The following PRKDC variants were observed in gnomAD, a reference collection of about 807,000 sequenced individuals.
PRKDC encodes the protein DNA-dependent protein kinase catalytic subunit.
PRKDC carries 82 observed loss-of-function variants against 486.9 expected under a neutral mutation model. The observed-to-expected ratio is 0.17, with a 90% CI of 0.14 to 0.20. The LOEUF (loss-of-function observed/expected upper bound fraction) is 0.20, where lower values mean the gene tolerates loss of function less well. Among genes scored for constraint, PRKDC ranks in the 10% least tolerant of loss-of-function variants. PRKDC has a pLI of 1.00. For synonymous variants in PRKDC, 1,895 were observed against 1,837.0 expected (o/e 1.03, Z -0.81); for missense variants, 4,504 against 5,038.2 (o/e 0.89, Z 3.21).
chr8:47,956,913 C>T (rs2090712167), intron 3 of PRKDC, among the ~76,000 whole-genome samples: 2 of 133,516 alleles, frequency 1.5e-5, no homozygotes, highest in Admixed American at 8.9e-5. Flanking sequence ...AGTAGTTTCT[C>T]TCACAAAGGC....
chr8:47,777,100 C>G (rs2086622059), intron 84 of PRKDC, 117 bp from the exon 85 acceptor site: 1 of 1,319,582 alleles, frequency 7.6e-7, no homozygotes, highest in Non-Finnish European at 1.0e-6. Flanking sequence ...CCAGGAGCAG[C>G]CTTGCTTTCT....
In PRKDC at chr8:47,955,903, T is replaced by C; in HGVS notation, c.370A>G (p.Lys124Glu). The C allele has an allele frequency of 6.2e-7, 1 of 1,606,332 alleles. No individual in the cohort carries two copies. Among genetic ancestry groups the C allele is most frequent in the Non-Finnish European group, 8.5e-7 (1 of 1,174,534 alleles). ...VYTKDRAAKC[K>E]IPALDLLIKL... Reference sequence around the variant, plus strand: ...ATAAGAAGGTCCAGGGCTGGAATTTTACATTTAGCAGCTCTATCTTTTGTA... The same window carrying C: ...ATAAGAAGGTCCAGGGCTGGAATTTCACATTTAGCAGCTCTATCTTTTGTA... Residue 124 changes from lysine to glutamate, a missense_variant, in exon 4 of 86, where the codon AAA (lysine) becomes GAA (glutamate). By Grantham distance (56) the Lys-to-Glu change is moderately conservative. Transcript: ENST00000314191.
chr8:47,894,450 C>T (rs1432448798), intron 30 of PRKDC, among the ~76,000 whole-genome samples: 1 of 152,070 alleles, frequency 6.6e-6, no homozygotes, highest in Non-Finnish European at 1.5e-5. Flanking sequence ...AAAGAAAGGA[C>T]ACAAAAAGGC....
intron 30 of PRKDC, among the ~76,000 whole-genome samples, chr8:47,896,062 T>C (rs918345166): frequency 2.2e-4 from 34 of 152,080 alleles, no homozygotes; most frequent in African/African-American, 8.2e-4. Flanking sequence ...TTTTTTTAAA[T>C]GCTAATGTTT....
At chr8:47,867,098 T>C (rs2088835020) in intron 40 of PRKDC, among the ~76,000 whole-genome samples, 1 of 152,166 alleles carries the variant, frequency 6.6e-6, no homozygotes, top group Non-Finnish European at 1.5e-5. Flanking sequence ...GGCAAAGGGC[T>C]ACTTTAAAAT....
intron 40 of PRKDC, among the ~76,000 whole-genome samples, chr8:47,866,451 T>C (rs1234971780): frequency 6.6e-6 from 1 of 152,122 alleles, no homozygotes; most frequent in African/African-American, 2.4e-5. Flanking sequence ...GCAAGCACAG[T>C]AGAGATGCAC....
chr8:47,878,103 G>GTT lies in PRKDC; in HGVS notation c.5236-254_5236-253dup, dbSNP rs1279419423. ...AGATTCTTTCTAGGTTTTTTTTTAG[G>GTT]TTTTTTTTTTTTTTTTTTGGAGACA... On this transcript the variant is annotated intron_variant, in intron 39 of 85. Coordinates refer to ENST00000314191, the MANE Select transcript of PRKDC (RefSeq NM_006904.7). Among the ~76,000 whole-genome samples, 110 of 126,580 alleles carry GTT rather than the reference G, an allele frequency of 8.7e-4. 1 individual carries two copies. The highest frequency in any genetic ancestry group is 1.4e-3 in the African/African-American group (50 of 34,920). The allele number at this position is 126,580 out of a possible 152,430, so 83.0% of individuals were successfully genotyped here.
chr8:47,872,156 T>C (rs2088967837), intron 40 of PRKDC, among the ~76,000 whole-genome samples: 1 of 152,220 alleles, frequency 6.6e-6, no homozygotes, highest in Non-Finnish European at 1.5e-5. Flanking sequence ...AAGTGTATAA[T>C]TTTTATTAGT....
chr8:47,808,919 C>T (rs921621613), intron 68 of PRKDC, among the ~76,000 whole-genome samples: 1 of 151,838 alleles, frequency 6.6e-6, no homozygotes, highest in African/African-American at 2.4e-5. Flanking sequence ...AGCCTGTATT[C>T]CCAGCTACTC....
chr8:47,840,997 A>C (rs1463479484), intron 54 of PRKDC, among the ~76,000 whole-genome samples: 1 of 152,242 alleles, frequency 6.6e-6, no homozygotes, highest in Admixed American at 6.5e-5. Context: ...GAGAGGCAAC[A>C]CAGACACTGA....
chr8:47,862,007 G>A, intron 44 of PRKDC, 55 bp downstream of exon 44: 1 of 1,361,848 alleles, frequency 7.3e-7, no homozygotes, highest in Non-Finnish European at 1.0e-6. Flanking sequence ...GACATAATAT[G>A]GTTTTCTTTG....
Position 47,823,847 on chromosome 8 carries a change from A to G in PRKDC, c.8922+11T>C, listed in dbSNP as rs1440221093. The stretch of plus-strand genomic sequence containing the variant: ...AAGTAAATGTCATATTTTGCCAGAG[A>G]TCAATTTTACCTCATCATACTGCTT... On this transcript the variant is annotated intron_variant, in intron 64 of 85. Coordinates refer to ENST00000314191, the MANE Select transcript of PRKDC (RefSeq NM_006904.7). 1.2e-6 allele frequency: 2 copies of G among 1,612,028 alleles called. No individual in the cohort carries two copies. Among genetic ancestry groups the G allele is most frequent in the Non-Finnish European group, 1.7e-6 (2 of 1,179,012 alleles).
In PRKDC at chr8:47,960,058, G is replaced by C. The variant is rs1386916416; in HGVS notation, c.69C>G (p.Asp23Glu). 3.3e-6 allele frequency: 5 copies of C among 1,532,486 alleles called. No homozygotes were observed. Among genetic ancestry groups the C allele is most frequent in the Non-Finnish European group, 4.4e-6 (5 of 1,145,932 alleles). The allele number at this position is 1,532,486 out of a possible 1,614,324, so 94.9% of individuals were successfully genotyped here. A position where few individuals can be genotyped will look rare whatever the true frequency, so the allele number is the denominator to read the frequency against. ...LRLQETLSAA[D>E]RCGAALAGHQ... is the part of the protein sequence containing the mutation. ...GACCGGCCAGGGCAGCACCGCAGCG[G>C]TCCGCAGCGGACAAGGTCTCCTGCA... The change falls in exon 1 of 86, where the codon GAC becomes GAG. Residue 23 changes from aspartate to glutamate, a missense_variant. Asp to Glu is a conservative substitution (Grantham distance 45). This residue lies in a region of PRKDC where 145 missense variants were observed against 136.3 expected (regional missense o/e 1.06). Coordinates refer to ENST00000314191, the MANE Select transcript of PRKDC (RefSeq NM_006904.7).
chr8:47,904,239 A>G (rs1431176612), intron 26 of PRKDC, among the ~76,000 whole-genome samples: 1 of 152,126 alleles, frequency 6.6e-6, no homozygotes, highest in African/African-American at 2.4e-5. Context: ...AGAAAATTGG[A>G]TATACTCAGA....
rs186234306 is a variant in PRKDC, at chr8:47,957,346, T to C, written c.231+9A>G. ...TACAAGAAAAGCAAAACCAAAATTG[T>C]CAACTTACTTCAATACTGTTGAGTG... On this transcript the variant is annotated intron_variant, in intron 2 of 85. Coordinates refer to ENST00000314191, the MANE Select transcript of PRKDC (RefSeq NM_006904.7). The C allele has an allele frequency of 9.7e-5, 155 of 1,595,062 alleles. 1 individual carries two copies. The highest frequency in any genetic ancestry group is 8.4e-4 in the Middle Eastern group (5 of 5,948).
At chr8:47,889,764 C>G (rs2089417518) in intron 32 of PRKDC, among the ~76,000 whole-genome samples, 1 of 152,208 alleles carries the variant, frequency 6.6e-6, no homozygotes, top group African/African-American at 2.4e-5. Flanking sequence ...CAGTGAAACT[C>G]TGAAGGACAT....
At chr8:47,873,227 C>CAAAAAAAAAAAAAAAAAAAAAAAAAAAA (rs60385860) in intron 40 of PRKDC, among the ~76,000 whole-genome samples, 1 of 71,076 alleles carries the variant, frequency 1.4e-5, no homozygotes, top group African/African-American at 3.8e-5. Context: ...GACTCCATCT[C>CAAAAAAAAAAAAAAAAAAAAAAAAAAAA]AAAAAAAAAA....
At chr8:47,827,262 TATTTC>T (rs755134637) in intron 62 of PRKDC, among the ~76,000 whole-genome samples, 6 of 152,110 alleles carry the variant, frequency 3.9e-5, no homozygotes, top group Middle Eastern at 3.4e-3. Flanking sequence ...AAAAACTAAG[TATTTC>T]ATTTCAGAAA....
At chr8:47,892,478 G>A (rs2089482322) in intron 31 of PRKDC, among the ~76,000 whole-genome samples, 1 of 152,028 alleles carries the variant, frequency 6.6e-6, no homozygotes, top group African/African-American at 2.4e-5. Context: ...TCACAGATGT[G>A]CATCACCACG....
Sources: allele counts gnomAD v4.1 joint callset (sites outside exome capture counted in the v4.1 genomes callset), GRCh38; gene constraint gnomAD v4.1.1; regional missense constraint gnomAD v4.1.1; transcripts MANE v1.5; gene names NCBI Gene and HGNC (gene_info 2026-07-23, HGNC 2026-07-21).